Variants in MRTFA observed in about 807,000 individuals in gnomAD.
The protein encoded by MRTFA is myocardin-related transcription factor A.
In MRTFA, 20 loss-of-function variants were observed where a neutral mutation model predicts 83.5. The ratio of observed to expected loss-of-function variants is 0.24; its 90% confidence interval spans 0.17 to 0.35. MRTFA has a LOEUF of 0.35. Among genes scored for constraint, MRTFA ranks in the 10% least tolerant of loss-of-function variants. The pLI is 1.00. For synonymous variants in MRTFA, 659 were observed against 541.2 expected (o/e 1.22, Z -3.02); for missense variants, 1,200 against 1,224.7 (o/e 0.98, Z 0.30).
rs539580948 is a variant in MRTFA, at chr22:40,440,841, C to G, written c.308-5287G>C. ...AGTTCCATGCCAAGGAGGTAAGACA[C>G]GAGGAAGCAGAAAATAGGTTTCCAA... is the stretch of plus-strand genomic sequence containing the variant. On this transcript the variant is annotated intron_variant, in intron 4 of 14. Transcript: ENST00000355630. 2.6e-5 allele frequency among the ~76,000 whole-genome samples: 4 copies of G among 152,188 alleles called. No individual in the cohort carries two copies. The South Asian group carries it at 8.3e-4, about 32-fold the overall frequency.
chr22:40,422,625 T>C (rs2052865390), intron 9 of MRTFA, among the ~76,000 whole-genome samples: 1 of 152,046 alleles, frequency 6.6e-6, no homozygotes, highest in Admixed American at 6.5e-5. Context: ...CTTTCTGACA[T>C]GGAGGAAGCA....
intron 4 of MRTFA, among the ~76,000 whole-genome samples, chr22:40,459,569 G>A (rs1324675278): frequency 6.6e-6 from 1 of 151,612 alleles, no homozygotes; most frequent in East Asian, 1.9e-4. Flanking sequence ...TAGATATTCA[G>A]GACAATTTTA....
chr22:40,592,755 A>G (rs1429464021), intron 2 of MRTFA, among the ~76,000 whole-genome samples: 2 of 152,106 alleles, frequency 1.3e-5, no homozygotes, highest in South Asian at 2.1e-4. Context: ...AGCCGCCCAA[A>G]GTGCTGGAAT....
chr22:40,488,267 C>A (rs2054206387), intron 3 of MRTFA, among the ~76,000 whole-genome samples: 1 of 152,240 alleles, frequency 6.6e-6, no homozygotes, highest in Middle Eastern at 3.4e-3. Context: ...AGGTCACAGC[C>A]AACACTCCCC....
chr22:40,571,768 A>ATAC (rs2055797007), intron 2 of MRTFA, among the ~76,000 whole-genome samples: 1 of 151,640 alleles, frequency 6.6e-6, no homozygotes, highest in South Asian at 2.1e-4. Context: ...AAGACCAAAA[A>ATAC]AAAAAAGCAG....
intron 4 of MRTFA, among the ~76,000 whole-genome samples, chr22:40,457,489 GGAAA>G (rs1294722062): frequency 1.5e-5 from 1 of 65,712 alleles, no homozygotes; most frequent in African/African-American, 4.5e-5. Context: ...AAAGAAAGAA[GGAAA>G]GAAAGAAAGA....
intron 5 of MRTFA, chr22:40,433,291 G>C (rs2053105655): frequency 6.6e-6 from 1 of 152,630 alleles, no homozygotes; most frequent in Non-Finnish European, 1.5e-5. Context: ...ATCATTAAAG[G>C]CATTCATGAC....
At chr22:40,413,049 A>G (rs952734502) in intron 14 of MRTFA, among the ~76,000 whole-genome samples, 10 of 144,752 alleles carry the variant, frequency 6.9e-5, no homozygotes, top group Non-Finnish European at 1.4e-4. Flanking sequence ...AGGTAGGAGA[A>G]TGGCTTGAAC....
intron 1 of MRTFA, among the ~76,000 whole-genome samples, chr22:40,623,796 C>T (rs1185245497): frequency 6.6e-6 from 1 of 152,182 alleles, no homozygotes; most frequent in African/African-American, 2.4e-5. Context: ...TTACCTCTCA[C>T]AACTATCTTA....
intron 4 of MRTFA, among the ~76,000 whole-genome samples, chr22:40,443,470 A>C (rs2053318762): frequency 6.7e-6 from 1 of 150,356 alleles, no homozygotes; most frequent in South Asian, 2.1e-4. Flanking sequence ...TAAGTTCCCC[A>C]CCCCCTCCCT....
intron 3 of MRTFA, among the ~76,000 whole-genome samples, chr22:40,511,077 T>C (rs2147241861): frequency 6.6e-6 from 1 of 152,232 alleles, no homozygotes; most frequent in South Asian, 2.1e-4. Flanking sequence ...AATTGGTAGT[T>C]AGCGAAAGTA....
chr22:40,457,853 C>A (rs2053625143), intron 4 of MRTFA, among the ~76,000 whole-genome samples: 1 of 152,146 alleles, frequency 6.6e-6, no homozygotes, highest in African/African-American at 2.4e-5. Flanking sequence ...TCTCTCACAT[C>A]CAGAAAGAAT....
At chr22:40,535,811 TGTTC>T (rs1451498575) in intron 3 of MRTFA, among the ~76,000 whole-genome samples, 1 of 152,176 alleles carries the variant, frequency 6.6e-6, no homozygotes, top group Non-Finnish European at 1.5e-5. Flanking sequence ...CTGCCAAAAC[TGTTC>T]GCCATAGAAG....
chr22:40,547,577 G>A (rs1468672192), intron 3 of MRTFA, among the ~76,000 whole-genome samples: 1 of 152,168 alleles, frequency 6.6e-6, no homozygotes, highest in African/African-American at 2.4e-5. Flanking sequence ...GAGAGGCTGG[G>A]CATGGTGGCT....
chr22:40,522,526 GTTGTT>G (rs754030072), intron 3 of MRTFA: 40 of 152,376 alleles, frequency 2.6e-4, no homozygotes, highest in Middle Eastern at 6.8e-3. Flanking sequence ...GTGCAGGATG[GTTGTT>G]TTGTTTTGTT....
chr22:40,448,608 G>A (rs1052117571), intron 4 of MRTFA, among the ~76,000 whole-genome samples: 6 of 152,186 alleles, frequency 3.9e-5, no homozygotes, highest in African/African-American at 1.4e-4. Context: ...ATGCTGCCTT[G>A]TCATTTTCTC....
chr22:40,454,537 A>C (rs2053549466), intron 4 of MRTFA, among the ~76,000 whole-genome samples: 1 of 152,200 alleles, frequency 6.6e-6, no homozygotes, highest in Non-Finnish European at 1.5e-5. Flanking sequence ...CTCCATTCTT[A>C]AATGAGAATA....
intron 5 of MRTFA, 99 bp from the exon 6 acceptor site, chr22:40,431,579 C>T: frequency 8.9e-7 from 1 of 1,119,208 alleles, no homozygotes; most frequent in Non-Finnish European, 1.3e-6. Flanking sequence ...AGCTGCTGAC[C>T]ACCTCTGCAG....
Position 40,421,105 on chromosome 22 carries a change from G to A in MRTFA, c.928-5C>T. The A allele has an allele frequency of 6.6e-7, 1 of 1,521,134 alleles. No individual in the cohort carries two copies. Among genetic ancestry groups the A allele is most frequent in the South Asian group, 1.3e-5 (1 of 76,114 alleles). 94.2% of individuals were successfully genotyped at this position (1,521,134 alleles called of 1,614,324 possible). ...GGCAGACTTGGGTTGGCTTTGCTGA[G>A]GGCACAGGAGACAGGGTGCCATTCA... is the stretch of plus-strand genomic sequence containing the variant. On this transcript the variant is annotated splice_polypyrimidine_tract_variant and splice_region_variant and intron_variant, in intron 9 of 14. Transcript: ENST00000355630.
Sources: gnomAD v4.1 joint callset for allele counts (sites outside exome capture counted in the v4.1 genomes callset) on GRCh38, gnomAD v4.1.1 for gene constraint, MANE v1.5 for transcripts, NCBI Gene and HGNC (gene_info 2026-07-23, HGNC 2026-07-21) for gene names.